HRH1: variants seen among roughly 807,000 people sequenced by gnomAD.
The protein encoded by HRH1 is histamine H1 receptor.
HRH1 carries 6 observed loss-of-function variants against 10.3 expected under a neutral mutation model. The observed-to-expected ratio is 0.58, with a 90% CI of 0.32 to 1.15. HRH1 has a LOEUF of 1.15. Among genes scored for constraint, HRH1 ranks in the 50% most tolerant of loss-of-function variants. HRH1 has a pLI of 0.05. For synonymous variants in HRH1, 242 were observed against 236.7 expected, an observed-to-expected ratio of 1.02 and a Z score of -0.21; for missense variants, 514 against 615.3, an observed-to-expected ratio of 0.84 and a Z score of 1.74.
At chr3:11,214,291 G>C (rs185098140) in intron 1 of HRH1, among the ~76,000 whole-genome samples, 16 of 152,336 alleles carry the variant, frequency 1.1e-4, no homozygotes, top group South Asian at 4.1e-4. Flanking sequence ...GGGGCAGAGT[G>C]CTTCACAGTT....
chr3:11,245,234 T>C (rs929176963), intron 1 of HRH1, among the ~76,000 whole-genome samples: 3 of 152,002 alleles, frequency 2.0e-5, no homozygotes, highest in Admixed American at 6.6e-5. Flanking sequence ...ACACCTGTAG[T>C]CCCAGGCACT....
intron 1 of HRH1, among the ~76,000 whole-genome samples, chr3:11,148,909 G>A (rs562842442): frequency 6.7e-6 from 1 of 149,368 alleles, no homozygotes; most frequent in East Asian, 2.0e-4. Context: ...CATAGCTGAG[G>A]TAGCTTATTT....
rs1936738621 is a variant in HRH1 at position 11,154,649 on chromosome 3, C to CA, written c.-36+96dup. 6.6e-6 allele frequency: 1 copy of CA among 151,972 alleles called. No homozygotes were observed. The highest frequency in any genetic ancestry group is 2.1e-4 in the South Asian group (1 of 4,832). 9.4% of individuals were successfully genotyped at this position (151,972 alleles called of 1,614,324 possible). A position where few individuals can be genotyped will look rare whatever the true frequency, so the allele number is the denominator to read the frequency against. On this transcript the variant is annotated intron_variant, in intron 1 of 1. Coordinates refer to ENST00000431010, the MANE Select transcript of HRH1 (RefSeq NM_001098212.2). The surrounding 1 kb of genome is among the most constrained non-coding windows in gnomAD (Gnocchi z 4.4). ...CCAGGCTGGGTTCCGGGCATCCCGG[C>CA]AGGGCGGCCGGGAACCCCGGAGCCG...
At chr3:11,162,402 CCTG>C (rs1312798779) in intron 1 of HRH1, among the ~76,000 whole-genome samples, 1 of 151,612 alleles carries the variant, frequency 6.6e-6, no homozygotes, top group African/African-American at 2.4e-5. Flanking sequence ...GTCCCTAGCA[CCTG>C]CTATTATCTG....
intron 1 of HRH1, among the ~76,000 whole-genome samples, chr3:11,162,180 T>C (rs982947654): frequency 6.6e-6 from 1 of 152,184 alleles, no homozygotes; most frequent in East Asian, 1.9e-4. Flanking sequence ...GACTGAGTTA[T>C]ACTTACTTAC....
chr3:11,253,822 T>C (rs1156362574), intron 1 of HRH1, among the ~76,000 whole-genome samples: 2 of 152,180 alleles, frequency 1.3e-5, no homozygotes, highest in African/African-American at 2.4e-5. Context: ...ATGTCTAAGA[T>C]AGACATTAAC....
chr3:11,234,046 TG>T (rs1347992761), intron 1 of HRH1, among the ~76,000 whole-genome samples: 1 of 152,148 alleles, frequency 6.6e-6, no homozygotes, highest in Non-Finnish European at 1.5e-5. Flanking sequence ...GCCACAGGTT[TG>T]GGTAGGACAC....
At chr3:11,183,910 G>T (rs1430739487) in intron 1 of HRH1, among the ~76,000 whole-genome samples, 1 of 145,496 alleles carries the variant, frequency 6.9e-6, no homozygotes, top group Non-Finnish European at 1.5e-5. Flanking sequence ...CCCATGGCAG[G>T]TCCTTGCTGC....
chr3:11,210,609 C>A (rs1413665071), intron 1 of HRH1, among the ~76,000 whole-genome samples: 2 of 151,962 alleles, frequency 1.3e-5, no homozygotes, highest in Non-Finnish European at 2.9e-5. Context: ...CTGGGCAATG[C>A]GGTGAAACCC....
intron 1 of HRH1, among the ~76,000 whole-genome samples, chr3:11,142,894 A>G (rs1277657719): frequency 6.6e-6 from 1 of 152,094 alleles, no homozygotes; most frequent in Non-Finnish European, 1.5e-5. Context: ...AGCCTGGGCA[A>G]CAGAGCAAGA....
At chr3:11,215,472 G>A (rs755970879) in intron 1 of HRH1, among the ~76,000 whole-genome samples, 9 of 151,998 alleles carry the variant, frequency 5.9e-5, no homozygotes, top group African/African-American at 1.2e-4. Context: ...ATAGAGTCTC[G>A]CTCTATCGCC....
chr3:11,230,532 C>T (rs1310522670), intron 1 of HRH1, among the ~76,000 whole-genome samples: 1 of 152,202 alleles, frequency 6.6e-6, no homozygotes, highest in East Asian at 1.9e-4. Context: ...AGTGTAAAAG[C>T]CCTTGCTACA....
chr3:11,196,386 AC>A (rs1937652188), intron 1 of HRH1, among the ~76,000 whole-genome samples: 1 of 152,120 alleles, frequency 6.6e-6, no homozygotes, highest in Non-Finnish European at 1.5e-5. Context: ...ACACACTGTT[AC>A]ATTTGTCCGT....
intron 1 of HRH1, among the ~76,000 whole-genome samples, chr3:11,211,632 C>T (rs1027591322): frequency 6.6e-6 from 1 of 152,152 alleles, no homozygotes; most frequent in Non-Finnish European, 1.5e-5. Flanking sequence ...AGCAAATGCT[C>T]GGCAGAGTCC....
chr3:11,177,819 G>T (rs1485887875), intron 1 of HRH1, among the ~76,000 whole-genome samples: 2 of 152,240 alleles, frequency 1.3e-5, no homozygotes, highest in Non-Finnish European at 2.9e-5. Context: ...GAGTGACTAA[G>T]TGGAGCAGGT....
At chr3:11,166,277 A>G (rs924401071) in intron 1 of HRH1, among the ~76,000 whole-genome samples, 2 of 152,198 alleles carry the variant, frequency 1.3e-5, no homozygotes, top group African/African-American at 4.8e-5. Flanking sequence ...TTATTACCCC[A>G]TGAAGCGTTG....
intron 1 of HRH1, among the ~76,000 whole-genome samples, chr3:11,210,887 G>A: frequency 6.6e-6 from 1 of 151,956 alleles, no homozygotes; most frequent in Non-Finnish European, 1.5e-5. Context: ...GCATCATGCA[G>A]TTAGACATGA....
intron 1 of HRH1, among the ~76,000 whole-genome samples, chr3:11,235,244 T>G (rs1227289352): frequency 2.0e-5 from 3 of 152,142 alleles, no homozygotes; most frequent in East Asian, 3.8e-4. Flanking sequence ...TAGAAATCCC[T>G]TCTCATTTTT....
intron 1 of HRH1, among the ~76,000 whole-genome samples, chr3:11,214,740 T>G (rs1169675201): frequency 6.6e-6 from 1 of 152,234 alleles, no homozygotes; most frequent in Non-Finnish European, 1.5e-5. Context: ...TTTTAAAGCC[T>G]TCTGTAACCT....
Sources: allele counts gnomAD v4.1 joint callset (sites outside exome capture counted in the v4.1 genomes callset), GRCh38; gene constraint gnomAD v4.1.1; non-coding constraint Gnocchi (gnomAD v3.1); transcripts MANE v1.5; gene names NCBI Gene and HGNC (gene_info 2026-07-23, HGNC 2026-07-21).